FARP2: variants seen among roughly 807,000 people sequenced by gnomAD.
FARP2 encodes the protein FERM, ARHGEF and pleckstrin domain-containing protein 2.
FARP2 carries 111 observed loss-of-function variants against 130.5 expected under a neutral mutation model. The ratio of observed to expected loss-of-function variants is 0.85; its 90% CI spans 0.73 to 1.00. The LOEUF is 1.00. FARP2 is among the 50% of genes least tolerant of loss of function. FARP2 has a pLI of 0.00. For synonymous variants in FARP2, 504 were observed against 516.9 expected, an observed-to-expected ratio of 0.98 and a Z score of 0.34; for missense variants, 1,385 against 1,346.3, an observed-to-expected ratio of 1.03 and a Z score of -0.45.
intron 18 of FARP2, among the ~76,000 whole-genome samples, chr2:241,469,301 A>G (rs1327322046): frequency 3.3e-5 from 5 of 152,030 alleles, no homozygotes; most frequent in Admixed American, 6.6e-5. Context: ...TGGCCAGGCT[A>G]GTCTCGAACT....
At chr2:241,427,622 A>G (rs1244550925) in intron 8 of FARP2, among the ~76,000 whole-genome samples, 1 of 152,194 alleles carries the variant, frequency 6.6e-6, no homozygotes, top group East Asian at 1.9e-4. Context: ...TCCCCTACAG[A>G]TACCAAGAGA....
At chr2:241,390,152 C>T (rs1254958095) in intron 2 of FARP2, among the ~76,000 whole-genome samples, 2 of 152,192 alleles carry the variant, frequency 1.3e-5, no homozygotes, top group African/African-American at 4.8e-5. Context: ...AGTGCTTGTG[C>T]CCCCACTACA....
At chr2:241,358,499 A>T (rs926899040) in intron 1 of FARP2, among the ~76,000 whole-genome samples, 1 of 152,246 alleles carries the variant, frequency 6.6e-6, no homozygotes, top group African/African-American at 2.4e-5. Flanking sequence ...CTTCCTTTCC[A>T]AACACCCCTG....
intron 13 of FARP2, among the ~76,000 whole-genome samples, chr2:241,453,361 G>A (rs971739834): frequency 2.3e-4 from 35 of 148,950 alleles, no homozygotes; most frequent in African/African-American, 6.7e-4. Flanking sequence ...GGTGGCTCAT[G>A]CCTGTAATCC....
At chr2:241,487,218 T>G (rs951817660) in intron 21 of FARP2, among the ~76,000 whole-genome samples, 2 of 152,260 alleles carry the variant, frequency 1.3e-5, no homozygotes, top group Non-Finnish European at 2.9e-5. Context: ...AAACTCCATC[T>G]TGATGGGTTC....
chr2:241,436,338 C>T, intron 11 of FARP2, 143 bp from the exon 12 acceptor site: 1 of 691,286 alleles, frequency 1.4e-6, no homozygotes, highest in Non-Finnish European at 2.6e-6. Context: ...TTTCCATTCT[C>T]CTGCCCCTTT....
chr2:241,396,611 A>G (rs1033262468), intron 2 of FARP2, among the ~76,000 whole-genome samples: 1 of 152,236 alleles, frequency 6.6e-6, no homozygotes, highest in Admixed American at 6.5e-5. Flanking sequence ...CATCAGAGAA[A>G]TGCAAATCAA....
chr2:241,460,650 TAAAA>T (rs2063988399), intron 14 of FARP2, among the ~76,000 whole-genome samples: 1 of 152,044 alleles, frequency 6.6e-6, no homozygotes, highest in Admixed American at 6.6e-5. Context: ...ATTTGAAAGA[TAAAA>T]AAGTCATTTT....
chr2:241,407,270 A>G (rs927271473), intron 4 of FARP2, among the ~76,000 whole-genome samples: 2 of 152,166 alleles, frequency 1.3e-5, no homozygotes, highest in African/African-American at 4.8e-5. Flanking sequence ...CCTGCTGCCC[A>G]GGCTGGAGTG....
chr2:241,405,816 C>G (rs1466553184), intron 4 of FARP2, among the ~76,000 whole-genome samples: 2 of 152,228 alleles, frequency 1.3e-5, no homozygotes, highest in African/African-American at 2.4e-5. Flanking sequence ...TGCCTATAAT[C>G]TCAGCTACTC....
Position 241,494,045 on chromosome 2 carries a change from G to A in FARP2, c.3085G>A (p.Gly1029Arg), listed in dbSNP as rs771539439. The A allele has an allele frequency of 3.3e-5, 47 of 1,416,172 alleles. No individual in the cohort carries two copies. Among genetic ancestry groups the A allele is most frequent in the Middle Eastern group, 1.9e-4 (1 of 5,372 alleles). 87.7% of individuals were successfully genotyped at this position (1,416,172 alleles called of 1,614,324 possible). ...EVIQGASSSA[G>R]RAPSIVQDGP... The stretch of plus-strand genomic sequence containing the variant: ...GATCCAGGGGGCCAGCAGCTCAGCC[G>A]GGAGGGCCCCAAGCATCGTGCAGGA... Residue 1029 changes from glycine to arginine, a missense_variant, in exon 27 of 27, where the codon GGG (glycine) becomes AGG (arginine). Physicochemically the swap from Gly to Arg is moderately radical, Grantham distance 125. Transcript: ENST00000264042. This position sits in a 1 kb window ranked among gnomAD's most constrained non-coding sequence, Gnocchi z 4.9.
At chr2:241,361,230 A>G (rs1465362127) in intron 1 of FARP2, among the ~76,000 whole-genome samples, 2 of 152,136 alleles carry the variant, frequency 1.3e-5, no homozygotes, top group Non-Finnish European at 2.9e-5. Context: ...CATTGGACCT[A>G]TTCACATTGC....
rs570097909 is a variant in FARP2, at chr2:241,479,318, G to A, written c.2262+3331G>A. ...GACAGAGTTCTTGGTACTACACATA[G>A]TCTGTAAAAGCAGCCTGCGCTTCAC... On this transcript the variant is annotated intron_variant, in intron 19 of 26. Transcript: ENST00000264042. Among the ~76,000 whole-genome samples, 9 of 152,346 alleles carry A rather than the reference G, an allele frequency of 5.9e-5. No individual in the cohort carries two copies. In the South Asian group the frequency reaches 1.9e-3, roughly 32 times the overall value.
rs573662630 is a variant in FARP2 at position 241,369,601 on chromosome 2, C to A, written c.-24-3483C>A. 6.8e-4 allele frequency among the ~76,000 whole-genome samples: 103 copies of A among 151,376 alleles called. No individual in the cohort carries two copies. In the Middle Eastern group the frequency reaches 0.014, roughly 20 times the overall value. ...CTTATAATGAGTAGAAGAGAAAGAACCTGAAGAAATTTTTAAAGCTATACT... is the reference window on the plus strand; with the variant it reads ...CTTATAATGAGTAGAAGAGAAAGAAACTGAAGAAATTTTTAAAGCTATACT... On this transcript the variant is annotated intron_variant, in intron 1 of 26. Transcript: ENST00000264042.
intron 13 of FARP2, among the ~76,000 whole-genome samples, chr2:241,448,722 A>G (rs759010137): frequency 5.9e-5 from 9 of 152,356 alleles, no homozygotes; most frequent in Non-Finnish European, 1.2e-4. Flanking sequence ...TTTAGCGCAA[A>G]ACAGGAAAGA....
At chr2:241,423,981 C>T (rs763859830) in intron 8 of FARP2, among the ~76,000 whole-genome samples, 14 of 152,200 alleles carry the variant, frequency 9.2e-5, no homozygotes, top group Middle Eastern at 3.4e-3. Context: ...ATCTAAAAAA[C>T]GACTTAGACT....
chr2:241,473,106 G>A (rs575461473), intron 18 of FARP2, among the ~76,000 whole-genome samples: 5 of 151,560 alleles, frequency 3.3e-5, no homozygotes, highest in African/African-American at 1.2e-4. Context: ...GGTGGACGCT[G>A]TTCTGTGGGG....
chr2:241,366,243 A>T (rs1655740548), intron 1 of FARP2, among the ~76,000 whole-genome samples: 1 of 150,908 alleles, frequency 6.6e-6, no homozygotes, highest in Admixed American at 6.6e-5. Flanking sequence ...GCATATACAG[A>T]TCTTGCTTTT....
At chr2:241,404,907 AG>A (rs1445644261) in intron 4 of FARP2, 66 bp downstream of exon 4, 9 of 1,235,028 alleles carry the variant, frequency 7.3e-6, no homozygotes, top group Non-Finnish European at 1.1e-5. Flanking sequence ...AATGTTTAAA[AG>A]GCATGTTCAA....
Sources: allele counts gnomAD v4.1 joint callset (sites outside exome capture counted in the v4.1 genomes callset), GRCh38; gene constraint gnomAD v4.1.1; non-coding constraint Gnocchi (gnomAD v3.1); transcripts MANE v1.5; gene names NCBI Gene and HGNC (gene_info 2026-07-23, HGNC 2026-07-21).